Variants in NOM1 observed in about 807,000 individuals in gnomAD.
The protein encoded by NOM1 is nucleolar protein with MIF4G domain 1.
A neutral mutation model predicts 73.3 loss-of-function variants in NOM1; 58 were observed. The observed-to-expected ratio is 0.79, with a 90% CI of 0.64 to 0.99. NOM1 has a LOEUF of 0.99. NOM1 is among the 50% of genes least tolerant of loss of function. The pLI, the probability that NOM1 is intolerant of heterozygous loss-of-function variation, is 0.00. For missense variants in NOM1, 1,226 were observed against 1,131.9 expected (o/e 1.08, Z -1.19); for synonymous variants, 487 against 446.8 (o/e 1.09, Z -1.14).
rs1805140902 is a variant in NOM1 at position 156,971,572 on chromosome 7, A to C, written c.*1869A>C. The C allele has an allele frequency of 9.1e-6, 1 of 110,312 alleles. No homozygotes were observed. Among genetic ancestry groups the C allele is most frequent in the South Asian group, 2.6e-4 (1 of 3,780 alleles). The allele number at this position is 110,312 out of a possible 1,614,324, so 6.8% of individuals were successfully genotyped here. A position where few individuals can be genotyped will look rare whatever the true frequency, so the allele number is the denominator to read the frequency against. On this transcript the variant is annotated 3_prime_UTR_variant, in exon 11 of 11. Transcript: ENST00000275820. Reference sequence around the variant, plus strand: ...TCCGTATGTTATACAGGCTGGCCTCAAGTGATCCTCTTACCTTGGCCTCCC... The same window carrying C: ...TCCGTATGTTATACAGGCTGGCCTCCAGTGATCCTCTTACCTTGGCCTCCC...
chr7:156,962,081 T>C, intron 4 of NOM1, 70 bp from the exon 5 acceptor site: 1 of 1,305,316 alleles, frequency 7.7e-7, no homozygotes, highest in Non-Finnish European at 1.1e-6. Flanking sequence ...GGTAGATTTC[T>C]TGCCAACTTG....
At position 156,966,830 on chromosome 7, in the gene NOM1, C is replaced by G. The variant is rs1208932598; in HGVS notation, c.2167-131C>G. ...CTATAGGCAAGAACAGTGAGGCCAC[C>G]ACTAAAAGTCTTGATGTTTAGAATA... is the stretch of plus-strand genomic sequence containing the variant. On this transcript the variant is annotated intron_variant, in intron 8 of 10. Coordinates refer to ENST00000275820, the MANE Select transcript of NOM1 (RefSeq NM_138400.2). The G allele has an allele frequency of 2.0e-5, 19 of 972,396 alleles. No homozygotes were observed. In the East Asian group the frequency reaches 5.1e-4, roughly 26 times the overall value. The allele number at this position is 972,396 out of a possible 1,614,324, so 60.2% of individuals were successfully genotyped here. A position where few individuals can be genotyped will look rare whatever the true frequency, so the allele number is the denominator to read the frequency against.
chr7:156,956,206 AG>A (rs1249107161), intron 3 of NOM1, among the ~76,000 whole-genome samples: 6 of 151,092 alleles, frequency 4.0e-5, no homozygotes, highest in African/African-American at 1.5e-4. Context: ...AAAAAAAAAA[AG>A]ATGCACGGAT....
At chr7:156,962,896 C>G (rs1395745837) in intron 5 of NOM1, 112 bp from the exon 6 acceptor site, 1 of 1,175,812 alleles carries the variant, frequency 8.5e-7, no homozygotes, top group Non-Finnish European at 1.2e-6. Context: ...GTGACCCATT[C>G]CAGTATTCAT....
Position 156,959,840 on chromosome 7 carries a change from G to T in NOM1, c.1309-11G>T, listed in dbSNP as rs1424496014. The T allele has an allele frequency of 1.2e-6, 2 of 1,611,090 alleles. No homozygotes were observed. The highest frequency in any genetic ancestry group is 1.7e-5 in the Admixed American group (1 of 59,272). On this transcript the variant is annotated splice_polypyrimidine_tract_variant and intron_variant, in intron 3 of 10. Transcript: ENST00000275820. ...GAATAACATAATCTTTTTTCTGTGT[G>T]GTTCTTTCAGGTCGGTGCCCACTTT...
In NOM1 at chr7:156,970,365, A is replaced by G. The variant is rs1259981635; in HGVS notation, c.*662A>G. 1 of 151,982 alleles carries G rather than the reference A, an allele frequency of 6.6e-6. No homozygotes were observed. Among genetic ancestry groups the G allele is most frequent in the Non-Finnish European group, 1.5e-5 (1 of 68,004 alleles). The allele number at this position is 151,982 out of a possible 1,614,324, so 9.4% of individuals were successfully genotyped here. On this transcript the variant is annotated 3_prime_UTR_variant, in exon 11 of 11. Transcript: ENST00000275820. ...TTATAAAGAAATTGATGAGGTTTTT[A>G]CCTTTTTAAAATATTGGTTAGAAGT...
chr7:156,965,792 G>A (rs897422673), intron 7 of NOM1, among the ~76,000 whole-genome samples: 4 of 73,054 alleles, frequency 5.5e-5, no homozygotes, highest in East Asian at 9.0e-4. Flanking sequence ...GGTGGCACCT[G>A]TAATCCAGCT....
chr7:156,963,138 G>C lies in NOM1; in HGVS notation c.1874G>C (p.Ser625Thr), dbSNP rs751244384. The C allele has an allele frequency of 6.2e-7, 1 of 1,614,194 alleles. No individual in the cohort carries two copies. Among genetic ancestry groups the C allele is most frequent in the South Asian group, 1.1e-5 (1 of 91,090 alleles). Reference sequence around the variant, plus strand: ...AGTGGGGCCCCGATGATCGACAACAGTCACCATACGCACCTGCAGAAGCAG... The same window carrying C: ...AGTGGGGCCCCGATGATCGACAACACTCACCATACGCACCTGCAGAAGCAG... ...AWSGAPMIDNSHHTHLQKQLV... is the reference protein window; with the variant it reads ...AWSGAPMIDNTHHTHLQKQLV... Residue 625 changes from serine (S) to threonine (T), a missense_variant, in exon 6 of 11, where the codon AGT becomes ACT. Physicochemically the swap from Ser to Thr is moderately conservative, Grantham distance 58. Transcript: ENST00000275820.
chr7:156,963,119 GC>G lies in NOM1; in HGVS notation c.1859del (p.Pro620ArgfsTer2). 6.2e-7 allele frequency: 1 copy of G among 1,614,158 alleles called. No homozygotes were observed. Among genetic ancestry groups the G allele is most frequent in the Non-Finnish European group, 8.5e-7 (1 of 1,180,020 alleles). On this transcript the variant is annotated frameshift_variant, in exon 6 of 11. Transcript: ENST00000275820. LOFTEE classifies it high-confidence loss of function. ...GATTGTGGGGTCCGCCTGGAGTGGG[GC>G]CCCGATGATCGACAACAGTCACCAT... ...WWIVGSAWSG[A>X]PMIDNSHHTH... is the part of the protein sequence containing the mutation.
Position 156,963,116 on chromosome 7 carries a change from G to A in NOM1, c.1852G>A (p.Gly618Arg). The A allele has an allele frequency of 6.2e-7, 1 of 1,614,200 alleles. No homozygotes were observed. Among genetic ancestry groups the A allele is most frequent in the Non-Finnish European group, 8.5e-7 (1 of 1,180,048 alleles). Reference sequence around the variant, plus strand: ...GTGGATTGTGGGGTCCGCCTGGAGTGGGGCCCCGATGATCGACAACAGTCA... The same window carrying A: ...GTGGATTGTGGGGTCCGCCTGGAGTAGGGCCCCGATGATCGACAACAGTCA... ...RWWIVGSAWS[G>R]APMIDNSHHT... Residue 618 changes from glycine (G) to arginine (R), a missense_variant, in exon 6 of 11, where the codon GGG becomes AGG. Coordinates refer to ENST00000275820, the MANE Select transcript of NOM1 (RefSeq NM_138400.2).
Position 156,950,259 on chromosome 7 carries a change from G to A in NOM1, c.522G>A (p.Ala174=). The A allele has an allele frequency of 6.2e-7, 1 of 1,613,720 alleles. No individual in the cohort carries two copies. The highest frequency in any genetic ancestry group is 8.5e-7 in the Non-Finnish European group (1 of 1,179,738). The change falls in exon 1 of 11, where the codon GCG becomes GCA. Residue 174 remains alanine, a synonymous_variant. Coordinates refer to ENST00000275820, the MANE Select transcript of NOM1 (RefSeq NM_138400.2). ...AAATAAARKR[A]LLAANEEEDR... ...CCACCGCCGCTGCCCGGAAACGGGC[G>A]CTTTTAGCGGCGAACGAGGAGGAGG...
chr7:156,969,558 T>C lies in NOM1; in HGVS notation c.2438T>C (p.Leu813Ser). ...RVSDNPKLGV[L>S]REGLKLFISH... Reference sequence around the variant, plus strand: ...TCTGACAACCCAAAGCTGGGGGTGTTACGTGAGGGTTTGAAGCTTTTCATC... The same window carrying C: ...TCTGACAACCCAAAGCTGGGGGTGTCACGTGAGGGTTTGAAGCTTTTCATC... The change falls in exon 11 of 11, where the codon TTA (leucine) becomes TCA (serine). Residue 813 changes from leucine (L) to serine (S), a missense_variant. Physicochemically the swap from Leu to Ser is moderately radical, Grantham distance 145 (BLOSUM62 -2). Transcript: ENST00000275820. 4 of 1,613,896 alleles carry C rather than the reference T, an allele frequency of 2.5e-6. No individual in the cohort carries two copies. In the South Asian group the frequency reaches 4.4e-5, roughly 18 times the overall value.
chr7:156,960,113 T>C lies in NOM1; in HGVS notation c.1571T>C (p.Leu524Ser). 1 of 1,614,144 alleles carries C rather than the reference T, an allele frequency of 6.2e-7. No individual in the cohort carries two copies. The highest frequency in any genetic ancestry group is 8.5e-7 in the Non-Finnish European group (1 of 1,180,014). ...RKDDALSLKE[L>S]ITEAQTKASG... is the part of the protein sequence containing the mutation. ...GATGATGCTTTATCACTTAAGGAAT[T>C]GATCACTGAAGCCCAGACCAAAGCC... The change falls in exon 4 of 11, where the codon TTG becomes TCG. Residue 524 changes from leucine to serine, a missense_variant. Transcript: ENST00000275820.
At chr7:156,950,980 T>C (rs1804578248) in intron 1 of NOM1, among the ~76,000 whole-genome samples, 1 of 152,262 alleles carries the variant, frequency 6.6e-6, no homozygotes. Flanking sequence ...GTGCAGCATC[T>C]TCATTCTGTG....
chr7:156,950,181 G>A lies in NOM1; in HGVS notation c.444G>A (p.Arg148=). ...PSPPRKPRPS[R]VKAKATAATA... ...CTCCCAGGAAGCCGCGGCCGTCCCG[G>A]GTCAAGGCCAAGGCCACGGCCGCCA... The change falls in exon 1 of 11, where the codon CGG becomes CGA. Residue 148 remains arginine (R), a synonymous_variant. Coordinates refer to ENST00000275820, the MANE Select transcript of NOM1 (RefSeq NM_138400.2). 6.2e-7 allele frequency: 1 copy of A among 1,605,940 alleles called. No homozygotes were observed. The highest frequency in any genetic ancestry group is 1.1e-5 in the South Asian group (1 of 90,906).
intron 2 of NOM1, 70 bp downstream of exon 2, chr7:156,952,668 C>G (rs1372616434): frequency 6.6e-7 from 1 of 1,514,578 alleles, no homozygotes; most frequent in African/African-American, 1.4e-5. Context: ...TAGGAATTAT[C>G]CCAGCAATTC....
chr7:156,957,774 C>CAAAAAAAA (rs10549596), intron 3 of NOM1, among the ~76,000 whole-genome samples: 107 of 115,544 alleles, frequency 9.3e-4, no homozygotes, highest in African/African-American at 2.5e-3. Flanking sequence ...GACTCCGTCT[C>CAAAAAAAA]AAAAAAAAAA....
intron 7 of NOM1, 141 bp from the exon 8 acceptor site, chr7:156,966,129 G>A (rs955455267): frequency 5.3e-5 from 52 of 985,010 alleles, no homozygotes; most frequent in Non-Finnish European, 6.9e-5. Flanking sequence ...CCTAGCTGGT[G>A]TCTGCCGCTG....
chr7:156,963,848 C>T (rs1388765747), intron 6 of NOM1, 57 bp from the exon 7 acceptor site: 39 of 1,575,852 alleles, frequency 2.5e-5, no homozygotes, highest in East Asian at 6.8e-5. Context: ...TGGCACCTCT[C>T]GGGAGGCAGT....
Sources: allele counts gnomAD v4.1 joint callset (sites outside exome capture counted in the v4.1 genomes callset), GRCh38; gene constraint gnomAD v4.1.1; transcripts MANE v1.5; gene names NCBI Gene and HGNC (gene_info 2026-07-23, HGNC 2026-07-21).